MIPEP: variants seen among roughly 807,000 people sequenced by gnomAD.
MIPEP encodes mitochondrial intermediate peptidase.
Under a neutral mutation model 90.3 loss-of-function variants are expected in MIPEP, and 79 were observed. The ratio of observed to expected loss-of-function variants is 0.87; its 90% CI spans 0.73 to 1.05. The LOEUF (loss-of-function observed/expected upper bound fraction) is 1.05. Ranked by LOEUF, MIPEP falls within the 50% of genes least tolerant of loss-of-function variation. MIPEP has a pLI of 0.00. For synonymous variants in MIPEP, 334 were observed against 315.8 expected (o/e 1.06, Z -0.61); for missense variants, 940 against 905.6 (o/e 1.04, Z -0.49).
intron 10 of MIPEP, among the ~76,000 whole-genome samples, chr13:23,853,294 A>G (rs1869889553): frequency 1.3e-5 from 2 of 152,194 alleles, no homozygotes; most frequent in Non-Finnish European, 2.9e-5. Flanking sequence ...CAGTCCTGCA[A>G]GCTCCATTTG....
At chr13:23,873,999 G>T (rs1593204613) in intron 5 of MIPEP, among the ~76,000 whole-genome samples, 1 of 152,158 alleles carries the variant, frequency 6.6e-6, no homozygotes, top group East Asian at 1.9e-4. Context: ...AACATCTATT[G>T]TATGTGATAC....
At chr13:23,832,137 T>G (rs749049201) in intron 14 of MIPEP, among the ~76,000 whole-genome samples, 9 of 152,174 alleles carry the variant, frequency 5.9e-5, no homozygotes, top group Non-Finnish European at 2.9e-5. Context: ...AATGGATTAA[T>G]TCATCCATTG....
At chr13:23,742,157 C>A (rs1952337654) in intron 18 of MIPEP, among the ~76,000 whole-genome samples, 1 of 152,186 alleles carries the variant, frequency 6.6e-6, no homozygotes, top group African/African-American at 2.4e-5. Context: ...CGCATGGTAT[C>A]TTATTATTTG....
chr13:23,772,269 G>A (rs868044752), intron 16 of MIPEP, among the ~76,000 whole-genome samples: 2 of 151,430 alleles, frequency 1.3e-5, no homozygotes, highest in Non-Finnish European at 1.5e-5. Flanking sequence ...TGTCTCATCT[G>A]AAGAATTTCC....
chr13:23,828,454 G>GAATTAATAAGA (rs1395644194), intron 14 of MIPEP, among the ~76,000 whole-genome samples: 1 of 152,134 alleles, frequency 6.6e-6, no homozygotes, highest in Non-Finnish European at 1.5e-5. Flanking sequence ...CAAATTCTGT[G>GAATTAATAAGA]AATTAATAAG....
intron 16 of MIPEP, among the ~76,000 whole-genome samples, chr13:23,788,396 T>C (rs1162793435): frequency 6.6e-6 from 1 of 152,168 alleles, no homozygotes; most frequent in Non-Finnish European, 1.5e-5. Context: ...AGTGGGCCCG[T>C]CTCGCACTAT....
intron 10 of MIPEP, among the ~76,000 whole-genome samples, chr13:23,847,426 C>T (rs1159597279): frequency 1.4e-5 from 2 of 145,384 alleles, no homozygotes; most frequent in East Asian, 4.0e-4. Context: ...TGGTAAGCGC[C>T]GTCAAAAACT....
At position 23,774,952 on chromosome 13, in the gene MIPEP, G is replaced by A. The variant is rs537849135; in HGVS notation, c.1849-14735C>T. On this transcript the variant is annotated intron_variant, in intron 16 of 18. Transcript: ENST00000382172. The stretch of plus-strand genomic sequence containing the variant: ...TGGGATTACAGGTGCACACCACCAT[G>A]CCCGGCTAATTTTTTGTATTTTTAG... 8.6e-5 allele frequency among the ~76,000 whole-genome samples: 13 copies of A among 151,914 alleles called. No individual in the cohort carries two copies. The South Asian group carries it at 2.7e-3, about 32-fold the overall frequency.
chr13:23,742,249 C>A (rs1206332484), intron 18 of MIPEP, among the ~76,000 whole-genome samples: 1 of 152,166 alleles, frequency 6.6e-6, no homozygotes, highest in Non-Finnish European at 1.5e-5. Context: ...GAAAAAAATA[C>A]CTTTTTCATT....
chr13:23,822,326 T>C (rs1238637332), intron 14 of MIPEP, among the ~76,000 whole-genome samples: 1 of 152,202 alleles, frequency 6.6e-6, no homozygotes, highest in East Asian at 1.9e-4. Flanking sequence ...TATATGACTA[T>C]AACAAGACAA....
intron 10 of MIPEP, among the ~76,000 whole-genome samples, chr13:23,849,306 A>G (rs566232343): frequency 4.2e-4 from 64 of 152,352 alleles, no homozygotes; most frequent in Non-Finnish European, 6.3e-4. Context: ...GCAGAGCCAC[A>G]ACCAGCAGAG....
chr13:23,882,245 T>C (rs1288293853), intron 2 of MIPEP, among the ~76,000 whole-genome samples: 1 of 152,118 alleles, frequency 6.6e-6, no homozygotes, highest in East Asian at 1.9e-4. Context: ...ATTCTTTATT[T>C]CAAAAGAGCA....
chr13:23,888,662 G>A, intron 1 of MIPEP: 2 of 952,930 alleles, frequency 2.1e-6, no homozygotes, highest in Non-Finnish European at 2.5e-6. Context: ...GGAATTTCAG[G>A]TATTAATGAA....
chr13:23,781,698 T>C (rs1168651478), intron 16 of MIPEP, among the ~76,000 whole-genome samples: 13 of 152,134 alleles, frequency 8.5e-5, no homozygotes, highest in Admixed American at 7.9e-4. Flanking sequence ...GTGTGCTGTA[T>C]TCAGGAAATC....
In MIPEP at chr13:23,889,145, A is replaced by T; in HGVS notation, c.176T>A (p.Phe59Tyr). ...VKPQGSRLDL[F>Y]GERRGLFGVP... ...TGCGCCGCTCACCCGGCGCTCGCCG[A>T]ACAGGTCCAAGCGGCTGCCCTGGGG... The change falls in exon 1 of 19, where the codon TTC becomes TAC. Residue 59 changes from phenylalanine (F) to tyrosine (Y), a missense_variant. Coordinates refer to ENST00000382172, the MANE Select transcript of MIPEP (RefSeq NM_005932.4). The T allele has an allele frequency of 6.9e-7, 1 of 1,440,580 alleles. No individual in the cohort carries two copies. The highest frequency in any genetic ancestry group is 9.1e-7 in the Non-Finnish European group (1 of 1,097,850). 89.2% of individuals were successfully genotyped at this position (1,440,580 alleles called of 1,614,324 possible). A position where few individuals can be genotyped will look rare whatever the true frequency, so the allele number is the denominator to read the frequency against.
At chr13:23,818,733 T>TTA (rs1343015142) in intron 14 of MIPEP, among the ~76,000 whole-genome samples, 2 of 152,220 alleles carry the variant, frequency 1.3e-5, no homozygotes, top group Non-Finnish European at 2.9e-5. Context: ...TACAGGCTGT[T>TTA]TATACCTCTA....
chr13:23,847,442 C>T (rs1053220869), intron 10 of MIPEP, among the ~76,000 whole-genome samples: 1 of 133,104 alleles, frequency 7.5e-6, no homozygotes, highest in African/African-American at 2.8e-5. Flanking sequence ...AAACTGCAGA[C>T]ATTAGGATCT....
At chr13:23,837,171 T>C (rs1566012164) in intron 13 of MIPEP, among the ~76,000 whole-genome samples, 1 of 152,244 alleles carries the variant, frequency 6.6e-6, no homozygotes, top group East Asian at 1.9e-4. Context: ...TTTATTTTCT[T>C]CTCTGATTTT....
chr13:23,764,763 C>G (rs187172718), intron 16 of MIPEP, among the ~76,000 whole-genome samples: 137 of 152,254 alleles, frequency 9.0e-4, no homozygotes, highest in Non-Finnish European at 1.5e-3. Context: ...GGGTCTCTCT[C>G]TGTTTCCCAG....
Sources: allele counts gnomAD v4.1 joint callset (sites outside exome capture counted in the v4.1 genomes callset), GRCh38; gene constraint gnomAD v4.1.1; transcripts MANE v1.5; gene names NCBI Gene and HGNC (gene_info 2026-07-23, HGNC 2026-07-21).